Variants in PARD3B observed in about 807,000 individuals in gnomAD.
PARD3B encodes partitioning defective 3 homolog B.
In PARD3B, 103 loss-of-function variants were observed where a neutral mutation model predicts 130.2. The ratio of observed to expected loss-of-function variants is 0.79; its 90% CI spans 0.67 to 0.93. PARD3B has a LOEUF of 0.93. PARD3B is among the 40% of genes least tolerant of loss of function. The pLI, the probability that PARD3B is intolerant of heterozygous loss-of-function variation, is 0.00. For synonymous variants in PARD3B, 583 were observed against 553.2 expected (o/e 1.05, Z -0.76); for missense variants, 1,609 against 1,499.2 (o/e 1.07, Z -1.21).
chr2:204,876,938 A>G (rs1320796108), intron 2 of PARD3B, among the ~76,000 whole-genome samples: 1 of 152,196 alleles, frequency 6.6e-6, no homozygotes, highest in East Asian at 1.9e-4. Context: ...GTACACATGT[A>G]TTCTTTTCAA....
Position 204,887,785 on chromosome 2 carries a change from A to G in PARD3B, c.223-77367A>G, listed in dbSNP as rs1177448429. Among the ~76,000 whole-genome samples the G allele has an allele frequency of 6.6e-6, 1 of 152,156 alleles. No homozygotes were observed. Among genetic ancestry groups the G allele is most frequent in the African/African-American group, 2.4e-5 (1 of 41,432 alleles). On this transcript the variant is annotated intron_variant, in intron 2 of 22. Coordinates refer to ENST00000406610, the MANE Select transcript of PARD3B (RefSeq NM_001302769.2). The surrounding 1 kb of genome is among the most constrained non-coding windows in gnomAD (Gnocchi z 4.2). ...CACACATGTAAAACCAAATAGCGAT[A>G]CAAGGCAACCCTACCAGAGGCATAC...
At chr2:205,498,372 T>G (rs551869363) in intron 20 of PARD3B, among the ~76,000 whole-genome samples, 2 of 150,814 alleles carry the variant, frequency 1.3e-5, no homozygotes, top group East Asian at 3.9e-4. Flanking sequence ...TGTGGTGGTA[T>G]GCACCTGTAG....
At chr2:205,245,713 C>T (rs1272728909) in intron 15 of PARD3B, 65 bp from the exon 16 acceptor site, 1 of 1,262,732 alleles carries the variant, frequency 7.9e-7, no homozygotes, top group Non-Finnish European at 1.1e-6. Flanking sequence ...CATTAATTTA[C>T]TGTTTAAAAA....
At chr2:204,987,825 A>G (rs973110173) in intron 3 of PARD3B, among the ~76,000 whole-genome samples, 3 of 152,092 alleles carry the variant, frequency 2.0e-5, no homozygotes, top group African/African-American at 7.2e-5. Context: ...TGTGATTCTT[A>G]TATAGGGAGG....
In PARD3B at chr2:205,105,274, G is replaced by C. The variant is rs1196478717; in HGVS notation, c.593+760G>C. Among the ~76,000 whole-genome samples, 2 of 152,282 alleles carry C rather than the reference G, an allele frequency of 1.3e-5. No homozygotes were observed. The highest frequency in any genetic ancestry group is 3.9e-4 in the East Asian group (2 of 5,184). ...CCATTTTGCACAGTGTTGTGGTTAGGATAAATCCTGTGAGTGTTTGCTGCT... is the reference window on the plus strand; with the variant it reads ...CCATTTTGCACAGTGTTGTGGTTAGCATAAATCCTGTGAGTGTTTGCTGCT... On this transcript the variant is annotated intron_variant, in intron 5 of 22. Transcript: ENST00000406610. This position sits in a 1 kb window ranked among gnomAD's most constrained non-coding sequence, Gnocchi z 4.0.
In PARD3B at chr2:205,591,550, A is replaced by G. The variant is rs775762250; in HGVS notation, c.3261-23906A>G. Among the ~76,000 whole-genome samples, 1 of 152,184 alleles carries G rather than the reference A, an allele frequency of 6.6e-6. No homozygotes were observed. Among genetic ancestry groups the G allele is most frequent in the East Asian group, 1.9e-4 (1 of 5,186 alleles). ...GAAGCAAATAACCATTACTATCCCA[A>G]TTTGACAGAGGAAGAAACAGACTGT... On this transcript the variant is annotated intron_variant, in intron 22 of 22. Coordinates refer to ENST00000406610, the MANE Select transcript of PARD3B (RefSeq NM_001302769.2). The surrounding 1 kb of genome is among the most constrained non-coding windows in gnomAD (Gnocchi z 4.2).
intron 10 of PARD3B, among the ~76,000 whole-genome samples, chr2:205,149,000 C>T (rs1254117927): frequency 6.6e-6 from 1 of 152,124 alleles, no homozygotes; most frequent in East Asian, 1.9e-4. Context: ...CTGGTGGATT[C>T]CCCTGGGCTT....
At chr2:205,118,381 C>T (rs891495791) in intron 6 of PARD3B, among the ~76,000 whole-genome samples, 9 of 152,232 alleles carry the variant, frequency 5.9e-5, no homozygotes, top group East Asian at 1.9e-4. Flanking sequence ...AGGAAACACC[C>T]AACACATACT....
intron 1 of PARD3B, among the ~76,000 whole-genome samples, chr2:204,638,534 C>A (rs1428702213): frequency 6.6e-6 from 1 of 152,118 alleles, no homozygotes; most frequent in East Asian, 1.9e-4. Context: ...TTAGAGTAAA[C>A]TGGACTTCGG....
chr2:204,939,116 A>C (rs1688692470), intron 2 of PARD3B, among the ~76,000 whole-genome samples: 1 of 151,614 alleles, frequency 6.6e-6, no homozygotes, highest in South Asian at 2.1e-4. Flanking sequence ...TTGTGAAATC[A>C]CAAGTGCATT....
chr2:204,596,970 A>G (rs2033322454), intron 1 of PARD3B, among the ~76,000 whole-genome samples: 2 of 151,200 alleles, frequency 1.3e-5, no homozygotes, highest in Non-Finnish European at 2.9e-5. Flanking sequence ...CTCTATATAT[A>G]TATTATATAT....
At chr2:204,869,527 AT>A (rs2045555879) in intron 2 of PARD3B, among the ~76,000 whole-genome samples, 1 of 152,156 alleles carries the variant, frequency 6.6e-6, no homozygotes, top group Non-Finnish European at 1.5e-5. Flanking sequence ...TGAAGATTGT[AT>A]TTGTTTATCT....
chr2:204,790,071 C>T (rs1234696769), intron 2 of PARD3B, among the ~76,000 whole-genome samples: 2 of 152,064 alleles, frequency 1.3e-5, no homozygotes, highest in South Asian at 2.1e-4. Context: ...AGGGTTTCAC[C>T]GTGTTAGCCA....
intron 18 of PARD3B, among the ~76,000 whole-genome samples, chr2:205,317,672 C>T (rs2042607754): frequency 6.6e-6 from 1 of 152,052 alleles, no homozygotes; most frequent in African/African-American, 2.4e-5. Flanking sequence ...TCTTTGTTTA[C>T]ATGCCAGTGT....
intron 18 of PARD3B, among the ~76,000 whole-genome samples, chr2:205,318,982 G>C (rs1474540207): frequency 6.6e-6 from 1 of 152,062 alleles, no homozygotes; most frequent in African/African-American, 2.4e-5. Flanking sequence ...CCATTTTTGT[G>C]TTCTCCTCAG....
At chr2:205,476,908 ATTAAC>A (rs2049041431) in intron 20 of PARD3B, among the ~76,000 whole-genome samples, 1 of 152,198 alleles carries the variant, frequency 6.6e-6, no homozygotes, top group African/African-American at 2.4e-5. Context: ...ATTCAAAAAT[ATTAAC>A]TTCTCACCTT....
At chr2:205,249,318 A>G (rs2039735039) in intron 16 of PARD3B, among the ~76,000 whole-genome samples, 1 of 151,922 alleles carries the variant, frequency 6.6e-6, no homozygotes, top group Non-Finnish European at 1.5e-5. Context: ...ACCTAAATCT[A>G]TCATCCAGCC....
At position 204,943,822 on chromosome 2, in the gene PARD3B, G is replaced by A. The variant is rs111999705; in HGVS notation, c.223-21330G>A. On this transcript the variant is annotated intron_variant, in intron 2 of 22. Transcript: ENST00000406610. This position sits in a 1 kb window ranked among gnomAD's most constrained non-coding sequence, Gnocchi z 4.2. ...CCATGTGCAAATTAGGGAGACTGAG[G>A]CAACAAAGTTATATATAACACTAGA... Among the ~76,000 whole-genome samples the A allele has an allele frequency of 2.6e-5, 4 of 152,186 alleles. No homozygotes were observed. The highest frequency in any genetic ancestry group is 9.6e-5 in the African/African-American group (4 of 41,508).
chr2:205,223,856 T>C (rs573135414), intron 15 of PARD3B, among the ~76,000 whole-genome samples: 4 of 152,266 alleles, frequency 2.6e-5, no homozygotes, highest in African/African-American at 9.6e-5. Flanking sequence ...AGGTGTACAA[T>C]GCATACTAAT....
Sources: allele counts gnomAD v4.1 joint callset (sites outside exome capture counted in the v4.1 genomes callset), GRCh38; gene constraint gnomAD v4.1.1; non-coding constraint Gnocchi (gnomAD v3.1); transcripts MANE v1.5; gene names NCBI Gene and HGNC (gene_info 2026-07-23, HGNC 2026-07-21).